The following ACSL4 variants were observed in gnomAD, a reference collection of about 807,000 sequenced individuals.
ACSL4 encodes long-chain-fatty-acid--CoA ligase 4.
A neutral mutation model predicts 49.1 loss-of-function variants in ACSL4; 9 were observed. The ratio of observed to expected loss-of-function variants is 0.18; its 90% CI spans 0.11 to 0.32. The LOEUF is 0.32. ACSL4 is among the 10% of genes least tolerant of loss of function. The probability of loss-of-function intolerance (pLI) is 1.00; values close to 1 mark genes in which losing one functional copy is unlikely to be tolerated. For synonymous variants in ACSL4, 191 were observed against 170.3 expected, an observed-to-expected ratio of 1.12 and a Z score of -0.95; for missense variants, 333 against 493.7, an observed-to-expected ratio of 0.67 and a Z score of 3.08.
intron 10 of ACSL4, 45 bp downstream of exon 10, chrX:109,668,989 A>G (rs1286668763): frequency 4.4e-6 from 5 of 1,136,843 alleles, no homozygotes; most frequent in Non-Finnish European, 5.9e-6. Context: ...AAAAGCATAA[A>G]AAAATTTAAA....
intron 1 of ACSL4, among the ~76,000 whole-genome samples, chrX:109,707,775 C>T (rs1220832383): frequency 8.9e-6 from 1 of 111,891 alleles, no homozygotes; most frequent in Non-Finnish European, 1.9e-5. Flanking sequence ...TGATCAAATA[C>T]TATGCGGCCA....
At chrX:109,728,115 G>A (rs1257609069) in intron 1 of ACSL4, among the ~76,000 whole-genome samples, 1 of 112,082 alleles carries the variant, frequency 8.9e-6, no homozygotes, top group African/African-American at 3.2e-5. Context: ...CTTCTCATAT[G>A]AGCACATACA....
intron 1 of ACSL4, among the ~76,000 whole-genome samples, chrX:109,699,670 C>T (rs1030112496): frequency 2.1e-4 from 23 of 111,631 alleles, no homozygotes; most frequent in African/African-American, 7.5e-4. Flanking sequence ...CAAATACTAA[C>T]AGTTATTGCT....
At chrX:109,725,550 CAGG>C (rs933058585) in intron 1 of ACSL4, among the ~76,000 whole-genome samples, 8 of 110,604 alleles carry the variant, frequency 7.2e-5, no homozygotes, top group African/African-American at 2.6e-4. Flanking sequence ...ATCACGAGGT[CAGG>C]AGATCGAGAC....
intron 13 of ACSL4, 96 bp downstream of exon 13, chrX:109,663,115 G>C: frequency 2.5e-6 from 2 of 803,190 alleles, no homozygotes; most frequent in South Asian, 2.7e-5. Context: ...TGAACTAATG[G>C]AACCATCAAC....
intron 1 of ACSL4, among the ~76,000 whole-genome samples, chrX:109,701,993 T>C (rs2147496752): frequency 9.7e-6 from 1 of 103,372 alleles, no homozygotes; most frequent in Non-Finnish European, 2.0e-5. Context: ...GTGGATCACC[T>C]GAGGTCAGGA....
intron 6 of ACSL4, among the ~76,000 whole-genome samples, chrX:109,678,616 G>T (rs940858213): frequency 8.9e-6 from 1 of 111,998 alleles, no homozygotes; most frequent in Non-Finnish European, 1.9e-5. Flanking sequence ...GATCACTTGA[G>T]CCCTGGATTT....
chrX:109,647,349 A>C lies in ACSL4; in HGVS notation c.1856-3163T>G, dbSNP rs867417703. Among the ~76,000 whole-genome samples the C allele has an allele frequency of 5.2e-4, 58 of 112,251 alleles. No homozygotes were observed. In the Middle Eastern group the frequency reaches 0.037, roughly 71 times the overall value. On this transcript the variant is annotated intron_variant, in intron 15 of 15. Transcript: ENST00000672401. ...TCTCAGACCACAGTGCAATCAAACT[A>C]GAACTCAGGATTAAGAATCTCACTC...
At chrX:109,722,571 A>G (rs774964129) in intron 1 of ACSL4, among the ~76,000 whole-genome samples, 1 of 112,062 alleles carries the variant, frequency 8.9e-6, no homozygotes, top group Non-Finnish European at 1.9e-5. Flanking sequence ...GCACTTTTAC[A>G]TCATCATTGA....
At chrX:109,665,374 T>C (rs771538928) in intron 12 of ACSL4, 46 bp downstream of exon 12, 13 of 1,079,919 alleles carry the variant, frequency 1.2e-5, no homozygotes. Context: ...CTGACAGTAG[T>C]TTTCAGCATA....
chrX:109,678,258 A>G lies in ACSL4; in HGVS notation c.806+7T>C. ...TTTCTAAGAAGAAAGTTAAAGAATT[A>G]TCTTACCCCAGTCCAGGTATTCTTT... On this transcript the variant is annotated splice_region_variant and intron_variant, in intron 7 of 15. Transcript: ENST00000672401. The G allele has an allele frequency of 8.3e-7, 1 of 1,211,718 alleles. No individual in the cohort carries two copies.
intron 8 of ACSL4, among the ~76,000 whole-genome samples, chrX:109,677,347 C>T (rs1277096331): frequency 9.0e-6 from 1 of 111,090 alleles, no homozygotes; most frequent in Non-Finnish European, 1.9e-5. Flanking sequence ...TGGGCCAAGA[C>T]CCTAACATAT....
rs925904776 is a variant in ACSL4 at position 109,643,861 on chromosome X, TAAAGTA to T, written c.*162_*167del. 2.3e-5 allele frequency: 13 copies of T among 567,406 alleles called. No individual in the cohort carries two copies. Among genetic ancestry groups the T allele is most frequent in the Non-Finnish European group, 3.4e-5 (12 of 353,266 alleles). The allele number at this position is 567,406 out of a possible 1,213,427, so 46.8% of individuals were successfully genotyped here. On this transcript the variant is annotated 3_prime_UTR_variant, in exon 16 of 16. Coordinates refer to ENST00000672401, the MANE Select transcript of ACSL4 (RefSeq NM_001318510.2). ...GCACTAGAACTATGCAAAACTAAGT[TAAAGTA>T]AACCGGACAACAATTTTAATAACTT...
chrX:109,719,516 A>G (rs1927384928), intron 1 of ACSL4, among the ~76,000 whole-genome samples: 1 of 112,458 alleles, frequency 8.9e-6, no homozygotes, highest in East Asian at 2.8e-4. Flanking sequence ...ATGCAAAGAT[A>G]TGGCTGAGCT....
intron 1 of ACSL4, among the ~76,000 whole-genome samples, chrX:109,731,346 T>A (rs1292048583): frequency 2.7e-5 from 3 of 110,075 alleles, no homozygotes; most frequent in Non-Finnish European, 5.7e-5. Context: ...TCAACAACCA[T>A]AAAGACACTT....
chrX:109,705,334 A>G (rs1186817958), intron 1 of ACSL4, among the ~76,000 whole-genome samples: 1 of 112,140 alleles, frequency 8.9e-6, no homozygotes, highest in Non-Finnish European at 1.9e-5. Context: ...AAGGAAGTTT[A>G]GCTTGTTCTG....
At chrX:109,701,553 T>C (rs1245432473) in intron 1 of ACSL4, among the ~76,000 whole-genome samples, 1 of 99,159 alleles carries the variant, frequency 1.0e-5, no homozygotes, top group Non-Finnish European at 2.0e-5. Flanking sequence ...TTTTTCTTTT[T>C]TTTTTTTTTT....
At chrX:109,723,246 A>G (rs1013289172) in intron 1 of ACSL4, among the ~76,000 whole-genome samples, 48 of 111,508 alleles carry the variant, frequency 4.3e-4, no homozygotes, top group African/African-American at 1.4e-3. Flanking sequence ...GTATTTTGCT[A>G]TAATAGTAAT....
At chrX:109,699,524 T>C (rs1257346342) in intron 1 of ACSL4, among the ~76,000 whole-genome samples, 3 of 111,990 alleles carry the variant, frequency 2.7e-5, no homozygotes, top group African/African-American at 9.7e-5. Context: ...AAAACTGCCA[T>C]ACTAAAATAC....
Sources: gnomAD v4.1 joint callset for allele counts (sites outside exome capture counted in the v4.1 genomes callset) on GRCh38, gnomAD v4.1.1 for gene constraint, MANE v1.5 for transcripts, NCBI Gene and HGNC (gene_info 2026-07-23, HGNC 2026-07-21) for gene names.